The following COTL1 variants were observed in gnomAD, a reference collection of about 807,000 sequenced individuals.
COTL1 encodes coactosin-like protein.
A neutral mutation model predicts 16.5 loss-of-function variants in COTL1; 15 were observed. The observed-to-expected ratio is 0.91, with a 90% CI of 0.61 to 1.40. The LOEUF (loss-of-function observed/expected upper bound fraction) is 1.40. COTL1 is among the 40% of genes most tolerant of loss of function. The pLI is 0.00. For missense variants in COTL1, 220 were observed against 201.5 expected, an observed-to-expected ratio of 1.09 and a Z score of -0.56; for synonymous variants, 112 against 85.3, an observed-to-expected ratio of 1.31 and a Z score of -1.73.
chr16:84,606,026 C>T (rs982503560), intron 2 of COTL1, among the ~76,000 whole-genome samples: 5 of 152,160 alleles, frequency 3.3e-5, no homozygotes, highest in African/African-American at 1.2e-4. Flanking sequence ...AGCGTGATGA[C>T]CATAAACTAA....
intron 2 of COTL1, among the ~76,000 whole-genome samples, chr16:84,609,426 T>C (rs1190892916): frequency 6.6e-6 from 1 of 152,124 alleles, no homozygotes; most frequent in Non-Finnish European, 1.5e-5. Context: ...GGCCAGAAAA[T>C]GGGGCTGTGA....
At chr16:84,578,331 C>T (rs1281963758) in intron 3 of COTL1, among the ~76,000 whole-genome samples, 2 of 152,146 alleles carry the variant, frequency 1.3e-5, no homozygotes, top group Non-Finnish European at 2.9e-5. Context: ...ATGTTCATTG[C>T]CAGTAAATAC....
At chr16:84,587,132 A>G (rs1904752198) in intron 3 of COTL1, among the ~76,000 whole-genome samples, 1 of 152,188 alleles carries the variant, frequency 6.6e-6, no homozygotes, top group South Asian at 2.1e-4. Flanking sequence ...CTGGTTAACC[A>G]TTAAAACCCA....
At chr16:84,583,413 T>C (rs1904645752) in intron 3 of COTL1, among the ~76,000 whole-genome samples, 1 of 152,162 alleles carries the variant, frequency 6.6e-6, no homozygotes, top group African/African-American at 2.4e-5. Flanking sequence ...CTAAATCTGG[T>C]CCCAGAAATG....
At chr16:84,612,288 C>G (rs1383210342) in intron 2 of COTL1, among the ~76,000 whole-genome samples, 2 of 152,060 alleles carry the variant, frequency 1.3e-5, no homozygotes, top group African/African-American at 4.8e-5. Context: ...AAAACCCAAA[C>G]CTTGAACTAC....
At chr16:84,598,361 G>A (rs1905047379) in intron 2 of COTL1, among the ~76,000 whole-genome samples, 1 of 152,318 alleles carries the variant, frequency 6.6e-6, no homozygotes, top group East Asian at 1.9e-4. Context: ...GCAGGGCCCT[G>A]AAGGTAGGTA....
intron 3 of COTL1, among the ~76,000 whole-genome samples, chr16:84,572,093 C>G (rs1472996507): frequency 2.0e-5 from 3 of 152,264 alleles, no homozygotes; most frequent in African/African-American, 7.2e-5. Flanking sequence ...CAGCGGCTCC[C>G]ATGAGATAAG....
At chr16:84,569,585 A>T (rs747312157) in intron 3 of COTL1, among the ~76,000 whole-genome samples, 1 of 152,134 alleles carries the variant, frequency 6.6e-6, no homozygotes, top group Admixed American at 6.5e-5. Context: ...TTCAGCCCTC[A>T]GTATATTAAC....
chr16:84,582,349 G>C (rs534318265), intron 3 of COTL1, among the ~76,000 whole-genome samples: 4 of 152,194 alleles, frequency 2.6e-5, no homozygotes, highest in African/African-American at 9.6e-5. Context: ...TCACAATGTT[G>C]CCCAGGCTGG....
At chr16:84,606,330 G>A (rs1835156) in intron 2 of COTL1, among the ~76,000 whole-genome samples, 85,706 of 152,060 alleles carry the variant, frequency 0.56, 24,227 homozygotes, top group Admixed American at 0.64. Flanking sequence ...AGGAGGGGAC[G>A]GCGGGCCCTC....
rs763279643 is a variant in COTL1, at chr16:84,617,797, G to C, written c.77+41C>G. 29 of 1,537,176 alleles carry C rather than the reference G, an allele frequency of 1.9e-5. No homozygotes were observed. In the South Asian group the frequency reaches 3.5e-4, roughly 18 times the overall value. ...GCTCGGTGCACGAGGCCCCGCGCGA[G>C]CCCGGGGAGCGGGGCGTGGAGACGA... On this transcript the variant is annotated intron_variant, in intron 1 of 3. Coordinates refer to ENST00000262428, the MANE Select transcript of COTL1 (RefSeq NM_021149.5).
rs185934225 is a variant in COTL1 at position 84,572,141 on chromosome 16, A to G, written c.319-5186T>C. On this transcript the variant is annotated intron_variant, in intron 3 of 3. Transcript: ENST00000262428. ...ACCACTGGGGAGTGGGCTTCATTGC[A>G]TGTTTTCAAAACGAGGCAGAAGCTG... Among the ~76,000 whole-genome samples the G allele has an allele frequency of 1.3e-4, 20 of 152,260 alleles. 1 individual carries two copies. The highest frequency in any genetic ancestry group is 8.5e-4 in the Admixed American group (13 of 15,290).
At chr16:84,574,786 G>A (rs1277822496) in intron 3 of COTL1, among the ~76,000 whole-genome samples, 1 of 152,028 alleles carries the variant, frequency 6.6e-6, no homozygotes, top group East Asian at 1.9e-4. Context: ...GTTTCACCAT[G>A]TTGGCCAGGC....
At chr16:84,594,371 G>A (rs1389039746) in intron 2 of COTL1, 1 of 152,342 alleles carries the variant, frequency 6.6e-6, no homozygotes, top group Admixed American at 6.5e-5. Context: ...TGCAAGAGAT[G>A]GCAGTTCCTC....
intron 3 of COTL1, among the ~76,000 whole-genome samples, chr16:84,574,601 T>A (rs936850018): frequency 6.6e-6 from 1 of 152,170 alleles, no homozygotes; most frequent in Non-Finnish European, 1.5e-5. Flanking sequence ...TTTTGTTTTT[T>A]CTGAGACGGA....
chr16:84,606,772 C>T (rs11149669), intron 2 of COTL1, among the ~76,000 whole-genome samples: 75 of 152,324 alleles, frequency 4.9e-4, no homozygotes, highest in African/African-American at 1.8e-3. Flanking sequence ...TACGTGCCCC[C>T]GCCTCCCAGG....
chr16:84,568,015 T>G (rs1269680407), intron 3 of COTL1: 1 of 152,162 alleles, frequency 6.6e-6, no homozygotes, highest in Non-Finnish European at 1.5e-5. Context: ...CATTTTTCTT[T>G]TTCTTGAGAG....
At chr16:84,579,791 G>C (rs1904538221) in intron 3 of COTL1, among the ~76,000 whole-genome samples, 1 of 152,218 alleles carries the variant, frequency 6.6e-6, no homozygotes, top group African/African-American at 2.4e-5. Flanking sequence ...GTGGACAAAA[G>C]TATGCAGTGG....
intron 2 of COTL1, chr16:84,595,515 C>T (rs1904980301): frequency 6.6e-6 from 1 of 152,208 alleles, no homozygotes; most frequent in East Asian, 1.9e-4. Flanking sequence ...AGGGGAATCG[C>T]TAGTTCTTCA....
Sources: allele counts gnomAD v4.1 joint callset (sites outside exome capture counted in the v4.1 genomes callset), GRCh38; gene constraint gnomAD v4.1.1; transcripts MANE v1.5; gene names NCBI Gene and HGNC (gene_info 2026-07-23, HGNC 2026-07-21).